ADGRL2: variants seen among roughly 807,000 people sequenced by gnomAD.
ADGRL2 encodes the protein calcium-independent alpha-latrotoxin receptor 2.
ADGRL2 carries 44 observed loss-of-function variants against 157.4 expected under a neutral mutation model. That is an observed-to-expected ratio of 0.28 (90% CI 0.22 to 0.36). The LOEUF is 0.36. Among genes scored for constraint, ADGRL2 ranks in the 10% least tolerant of loss-of-function variants. The pLI, the probability that ADGRL2 is intolerant of heterozygous loss-of-function variation, is 1.00. For synonymous variants in ADGRL2, 585 were observed against 624.7 expected, an observed-to-expected ratio of 0.94 and a Z score of 0.95; for missense variants, 1,510 against 1,768.9, an observed-to-expected ratio of 0.85 and a Z score of 2.63.
rs751647967 is a variant in ADGRL2, at chr1:81,990,419, A to C, written c.3684A>C (p.Thr1228=). The change falls in exon 24 of 24, where the codon ACA becomes ACC. Residue 1228 remains threonine (T), a synonymous_variant. Transcript: ENST00000686636. ...TRHSLNNARD[T]SAMDTLPLNG... The stretch of plus-strand genomic sequence containing the variant: ...ATTCACTGAACAATGCCAGGGATAC[A>C]AGTGCCATGGATACTCTACCGCTAA... 3 of 1,613,966 alleles carry C rather than the reference A, an allele frequency of 1.9e-6. No individual in the cohort carries two copies. The highest frequency in any genetic ancestry group is 2.2e-5 in the South Asian group (2 of 91,080).
At chr1:81,974,875 A>G (rs1659720416) in intron 17 of ADGRL2, among the ~76,000 whole-genome samples, 1 of 152,052 alleles carries the variant, frequency 6.6e-6, no homozygotes, top group Admixed American at 6.6e-5. Flanking sequence ...AGCAAATTAT[A>G]TTGGTGGGTT....
intron 2 of ADGRL2, among the ~76,000 whole-genome samples, chr1:81,573,082 G>C (rs4650567): frequency 1 from 151,574 of 152,046 alleles, 75,552 homozygotes; most frequent in Middle Eastern, 1. Context: ...TGTTATGCAA[G>C]AGAGTATTTT....
intron 7 of ADGRL2, among the ~76,000 whole-genome samples, 154 bp downstream of exon 7, chr1:81,950,636 A>G (rs1651475904): frequency 6.6e-6 from 1 of 152,174 alleles, no homozygotes; most frequent in Non-Finnish European, 1.5e-5. Flanking sequence ...AAAGTTTTTT[A>G]AACTGTAAAA....
intron 2 of ADGRL2, among the ~76,000 whole-genome samples, chr1:81,575,811 TA>T (rs1303780363): frequency 6.6e-6 from 1 of 152,130 alleles, no homozygotes; most frequent in Non-Finnish European, 1.5e-5. Context: ...TTTACCCAAA[TA>T]AATACGCATA....
chr1:81,837,860 G>C (rs1177808783), intron 2 of ADGRL2, among the ~76,000 whole-genome samples: 2 of 151,916 alleles, frequency 1.3e-5, no homozygotes, highest in Non-Finnish European at 2.9e-5. Context: ...AAGTTAATAT[G>C]GAGCTAAGAT....
chr1:81,385,311 C>A (rs575714578), intron 1 of ADGRL2, among the ~76,000 whole-genome samples: 1 of 152,096 alleles, frequency 6.6e-6, no homozygotes, highest in African/African-American at 2.4e-5. Flanking sequence ...CATGAAAATA[C>A]AGTTTGTGAG....
chr1:81,968,562 T>G (rs1657813144), intron 14 of ADGRL2, among the ~76,000 whole-genome samples: 1 of 152,176 alleles, frequency 6.6e-6, no homozygotes, highest in Non-Finnish European at 1.5e-5. Context: ...TTTACAACTT[T>G]CCCTTTAAGT....
intron 1 of ADGRL2, among the ~76,000 whole-genome samples, chr1:81,834,712 TATTC>T (rs1251782201): frequency 2.0e-5 from 3 of 152,256 alleles, no homozygotes; most frequent in South Asian, 2.1e-4. Flanking sequence ...TTTTTTTACT[TATTC>T]ATTACACAGG....
chr1:81,324,395 G>A (rs887924176), intron 1 of ADGRL2, among the ~76,000 whole-genome samples: 2 of 151,448 alleles, frequency 1.3e-5, no homozygotes, highest in African/African-American at 2.4e-5. Flanking sequence ...TGTAGTCCCA[G>A]CTATTCGGAA....
At chr1:81,512,030 A>G (rs2079088574) in intron 2 of ADGRL2, among the ~76,000 whole-genome samples, 1 of 152,052 alleles carries the variant, frequency 6.6e-6, no homozygotes, top group Non-Finnish European at 1.5e-5. Context: ...CAAACTTAGG[A>G]TGGCTTTTAC....
intron 2 of ADGRL2, among the ~76,000 whole-genome samples, chr1:81,475,531 A>G (rs544587792): frequency 7.7e-4 from 117 of 152,326 alleles, no homozygotes; most frequent in African/African-American, 2.7e-3. Flanking sequence ...ACTATGTTAC[A>G]ATTTGACCAA....
At chr1:81,532,598 CA>C (rs556846085) in intron 2 of ADGRL2, among the ~76,000 whole-genome samples, 6,823 of 124,204 alleles carry the variant, frequency 0.055, 456 homozygotes, top group African/African-American at 0.18. Flanking sequence ...ATCTGGAAAC[CA>C]AAAAAAAAAA....
intron 2 of ADGRL2, among the ~76,000 whole-genome samples, chr1:81,466,620 A>C (rs766922248): frequency 6.6e-6 from 1 of 152,038 alleles, no homozygotes; most frequent in Non-Finnish European, 1.5e-5. Context: ...GACAAAAGCA[A>C]CCCAGTGATA....
At chr1:81,866,203 A>G (rs1312525789) in intron 2 of ADGRL2, among the ~76,000 whole-genome samples, 1 of 152,058 alleles carries the variant, frequency 6.6e-6, no homozygotes, top group African/African-American at 2.4e-5. Flanking sequence ...TAGGCTTGTC[A>G]TATCACTGAC....
Position 81,593,595 on chromosome 1 carries a change from G to A in ADGRL2, c.-143+12615G>A, listed in dbSNP as rs148378757. ...CTTATTTAAATGTAGCTTTTTCAGC[G>A]TACCTTAATTTGGGTTTTGGGCTCT... is the stretch of plus-strand genomic sequence containing the variant. On this transcript the variant is annotated intron_variant, in intron 3 of 24. Transcript: ENST00000370721. 4.4e-4 allele frequency among the ~76,000 whole-genome samples: 67 copies of A among 152,204 alleles called. 1 individual carries two copies. The highest frequency in any genetic ancestry group is 3.4e-3 in the Middle Eastern group (1 of 294).
chr1:81,934,873 A>G (rs2095287095), intron 3 of ADGRL2, among the ~76,000 whole-genome samples: 1 of 152,000 alleles, frequency 6.6e-6, no homozygotes, highest in South Asian at 2.1e-4. Context: ...AGATCACTGT[A>G]GGTATGAATA....
At chr1:81,855,554 CTTTTTT>C (rs1038832954) in intron 2 of ADGRL2, among the ~76,000 whole-genome samples, 4 of 150,722 alleles carry the variant, frequency 2.7e-5, no homozygotes, top group Non-Finnish European at 4.4e-5. Flanking sequence ...TTTTCTTTTT[CTTTTTT>C]TTACTTTTTA....
chr1:81,403,768 G>C (rs12140883), intron 1 of ADGRL2, among the ~76,000 whole-genome samples: 47 of 151,520 alleles, frequency 3.1e-4, no homozygotes, highest in South Asian at 6.3e-4. Flanking sequence ...ATGACAGAGA[G>C]AGATGGTAGT....
chr1:81,944,481 TTAAG>T (rs1453183843), intron 6 of ADGRL2, among the ~76,000 whole-genome samples: 4 of 152,040 alleles, frequency 2.6e-5, no homozygotes, highest in African/African-American at 4.8e-5. Flanking sequence ...CTTTGGTTTA[TTAAG>T]TGAGTTCAGT....
Sources: allele counts gnomAD v4.1 joint callset (sites outside exome capture counted in the v4.1 genomes callset), GRCh38; gene constraint gnomAD v4.1.1; transcripts MANE v1.5; gene names NCBI Gene and HGNC (gene_info 2026-07-23, HGNC 2026-07-21).